The following TRPM2 variants were observed in gnomAD, a reference collection of about 807,000 sequenced individuals.
TRPM2 encodes transient receptor potential cation channel subfamily M member 2.
TRPM2 carries 161 observed loss-of-function variants against 174.0 expected under a neutral mutation model. The observed-to-expected ratio is 0.93, with a 90% confidence interval of 0.81 to 1.05. The LOEUF (loss-of-function observed/expected upper bound fraction) is 1.05. TRPM2 is among the 50% of genes least tolerant of loss of function. The pLI is 0.00. For missense variants in TRPM2, 2,057 were observed against 2,038.0 expected, an observed-to-expected ratio of 1.01 and a Z score of -0.18; for synonymous variants, 954 against 861.3, an observed-to-expected ratio of 1.11 and a Z score of -1.88.
rs200377232 is a variant in TRPM2 at position 44,435,816 on chromosome 21, C to T, written c.4061+599C>T. On this transcript the variant is annotated intron_variant, in intron 28 of 31. Transcript: ENST00000397928. ...ACCCCTCAGACTCACTCTCCACACCCATCCACGGGGACACAGCCCCACACT... is the reference window on the plus strand; with the variant it reads ...ACCCCTCAGACTCACTCTCCACACCTATCCACGGGGACACAGCCCCACACT... Among the ~76,000 whole-genome samples the T allele has an allele frequency of 2.6e-4, 34 of 131,266 alleles. 6 individuals carry two copies. Among genetic ancestry groups the T allele is most frequent in the African/African-American group, 9.0e-4 (26 of 28,950 alleles). The allele number at this position is 131,266 out of a possible 152,430, so 86.1% of individuals were successfully genotyped here. A position where few individuals can be genotyped will look rare whatever the true frequency, so the allele number is the denominator to read the frequency against.
chr21:44,406,033 G>C lies in TRPM2; in HGVS notation c.2786G>C (p.Arg929Pro). The C allele has an allele frequency of 6.2e-7, 1 of 1,605,820 alleles. No homozygotes were observed. The highest frequency in any genetic ancestry group is 1.1e-5 in the South Asian group (1 of 91,086). The change falls in exon 18 of 32, where the codon CGG (arginine) becomes CCG (proline). Residue 929 changes from arginine to proline, a missense_variant. Physicochemically the swap from Arg to Pro is moderately radical, Grantham distance 103. Coordinates refer to ENST00000397928, the MANE Select transcript of TRPM2 (RefSeq NM_003307.4). ...GGGCCCAAGATCATCATTGTGAAGCGGATGGTAAGGGGGCGGGGGCACCGG... is the reference window on the plus strand; with the variant it reads ...GGGCCCAAGATCATCATTGTGAAGCCGATGGTAAGGGGGCGGGGGCACCGG... ...TLGPKIIIVK[R>P]MMKDVFFFLF...
Position 44,418,500 on chromosome 21 carries a change from C to T in TRPM2, c.3406C>T (p.Arg1136Ter), listed in dbSNP as rs143493112. ...CCTGAAGGAGAACTACCTCCAGAAC[C>T]GACAGTTCCAGCAAAAGCAGCGGCC... ...IYLKENYLQN[R>*]QFQQKQRPEQ... Residue 1136 changes from arginine (R) to a stop codon, truncating the protein, a stop_gained, in exon 22 of 32, where the codon CGA (arginine) becomes TGA (stop). Transcript: ENST00000397928. LOFTEE classifies it high-confidence loss of function. The T allele has an allele frequency of 1.8e-3, 2,941 of 1,614,088 alleles. 2 individuals are homozygous for T. The highest frequency in any genetic ancestry group is 2.3e-3 in the Non-Finnish European group (2,688 of 1,180,006).
chr21:44,423,756 G>C (rs45467496), intron 23 of TRPM2, 24 bp downstream of exon 23: 2 of 1,570,590 alleles, frequency 1.3e-6, no homozygotes, highest in Non-Finnish European at 1.7e-6. Flanking sequence ...CGGGGCCTCC[G>C]TCAGGAGGTG....
At chr21:44,389,873 AT>A (rs34732510) in intron 9 of TRPM2, among the ~76,000 whole-genome samples, 23,901 of 139,148 alleles carry the variant, frequency 0.17, 1,818 homozygotes, top group Non-Finnish European at 0.2. Flanking sequence ...GAGGCTTAAA[AT>A]TTTTTTTTTT....
Position 44,438,976 on chromosome 21 carries a change from C to G in TRPM2, c.4168-91C>G. Reference sequence around the variant, plus strand: ...CCCAGGGCTGGGCCGCTGCCCACGCCGGGCAGGAGGCCAGTGGAGACGGGT... The same window carrying G: ...CCCAGGGCTGGGCCGCTGCCCACGCGGGGCAGGAGGCCAGTGGAGACGGGT... On this transcript the variant is annotated intron_variant, in intron 29 of 31. Coordinates refer to ENST00000397928, the MANE Select transcript of TRPM2 (RefSeq NM_003307.4). This position sits in a 1 kb window ranked among gnomAD's most constrained non-coding sequence, Gnocchi z 5.9. 9.4e-7 allele frequency: 1 copy of G among 1,065,396 alleles called. No homozygotes were observed. Among genetic ancestry groups the G allele is most frequent in the South Asian group, 1.4e-5 (1 of 73,388 alleles). 66.0% of individuals were successfully genotyped at this position (1,065,396 alleles called of 1,614,324 possible). A position where few individuals can be genotyped will look rare whatever the true frequency, so the allele number is the denominator to read the frequency against.
rs936405854 is a variant in TRPM2 at position 44,399,732 on chromosome 21, C to G, written c.2208+291C>G. The stretch of plus-strand genomic sequence containing the variant: ...GCGGCAGGCAGAAGCCCAGGTGGCT[C>G]TGGGAACGGCGTCTGCCCTCTCTCC... On this transcript the variant is annotated intron_variant, in intron 14 of 31. Coordinates refer to ENST00000397928, the MANE Select transcript of TRPM2 (RefSeq NM_003307.4). This position sits in a 1 kb window ranked among gnomAD's most constrained non-coding sequence, Gnocchi z 4.6. 6.6e-6 allele frequency among the ~76,000 whole-genome samples: 1 copy of G among 152,188 alleles called. No individual in the cohort carries two copies. The highest frequency in any genetic ancestry group is 1.5e-5 in the Non-Finnish European group (1 of 68,018).
chr21:44,417,840 G>A (rs996710598), intron 20 of TRPM2, 87 bp from the exon 21 acceptor site: 2 of 1,403,354 alleles, frequency 1.4e-6, no homozygotes, highest in Non-Finnish European at 2.0e-6. Flanking sequence ...GCTCTCTGTG[G>A]CATCACAGTG....
At chr21:44,378,577 C>T (rs566799734) in intron 7 of TRPM2, among the ~76,000 whole-genome samples, 63 of 152,296 alleles carry the variant, frequency 4.1e-4, no homozygotes, top group Non-Finnish European at 7.6e-4. Context: ...GTCCTTCCTG[C>T]CAGACAGCTT....
Position 44,421,121 on chromosome 21 carries a change from T to C in TRPM2, c.3462-2524T>C, listed in dbSNP as rs138773636. The stretch of plus-strand genomic sequence containing the variant: ...GATCACAAGGTTAGGAGATCAAGAC[T>C]ATCCTGGCTAACATGGTGAAACCTC... On this transcript the variant is annotated intron_variant, in intron 22 of 31. Coordinates refer to ENST00000397928, the MANE Select transcript of TRPM2 (RefSeq NM_003307.4). 5.8e-4 allele frequency among the ~76,000 whole-genome samples: 88 copies of C among 152,180 alleles called. 1 individual carries two copies. In the East Asian group the frequency reaches 0.016, roughly 28 times the overall value.
At chr21:44,421,969 G>A (rs779075932) in intron 22 of TRPM2, among the ~76,000 whole-genome samples, 22 of 152,210 alleles carry the variant, frequency 1.4e-4, no homozygotes, top group Admixed American at 2.0e-4. Context: ...CCTGCAGAAC[G>A]TGTTTCCGCT....
rs1439538498 is a variant in TRPM2, at chr21:44,439,319, C to G, written c.4269+151C>G. ...TGACGGTGGTCCCAGCCCCTGCCCC[C>G]ACGTTGCACAGCTCCCAGAGGACCC... On this transcript the variant is annotated intron_variant, in intron 30 of 31. Coordinates refer to ENST00000397928, the MANE Select transcript of TRPM2 (RefSeq NM_003307.4). The surrounding 1 kb of genome is among the most constrained non-coding windows in gnomAD (Gnocchi z 5.1). The G allele has an allele frequency of 4.6e-6, 3 of 656,758 alleles. No individual in the cohort carries two copies. Among genetic ancestry groups the G allele is most frequent in the African/African-American group, 3.6e-5 (2 of 55,404 alleles). The allele number at this position is 656,758 out of a possible 1,614,324, so 40.7% of individuals were successfully genotyped here.
intron 7 of TRPM2, among the ~76,000 whole-genome samples, chr21:44,378,554 T>C (rs932833463): frequency 6.6e-6 from 1 of 152,186 alleles, no homozygotes; most frequent in Non-Finnish European, 1.5e-5. Context: ...CCGATGCTCA[T>C]GCACACGGCA....
intron 9 of TRPM2, among the ~76,000 whole-genome samples, chr21:44,383,429 G>T (rs2048938869): frequency 1.3e-5 from 2 of 152,198 alleles, no homozygotes; most frequent in Admixed American, 1.3e-4. Flanking sequence ...AGGGTCGGAG[G>T]CCCCAGGCTG....
At chr21:44,377,068 C>T (rs1246693490) in intron 6 of TRPM2, among the ~76,000 whole-genome samples, 1 of 152,152 alleles carries the variant, frequency 6.6e-6, no homozygotes, top group African/African-American at 2.4e-5. Context: ...GGCGATGCTG[C>T]AGTTCAGGGA....
At chr21:44,384,086 A>G (rs965649654) in intron 9 of TRPM2, among the ~76,000 whole-genome samples, 3 of 152,226 alleles carry the variant, frequency 2.0e-5, no homozygotes, top group Non-Finnish European at 2.9e-5. Flanking sequence ...TGAAAAGATC[A>G]ACAAAATTGA....
Position 44,397,790 on chromosome 21 carries a change from T to C in TRPM2, c.1976T>C (p.Leu659Pro). The C allele has an allele frequency of 6.2e-7, 1 of 1,602,942 alleles. No individual in the cohort carries two copies. The change falls in exon 13 of 32, where the codon CTG (leucine) becomes CCG (proline). Residue 659 changes from leucine to proline, a missense_variant. Transcript: ENST00000397928. ...GCGGCCTTGGCCTGCAGCAAGATCC[T>C]GAAGGAACTGTCCAAGGAGGAGGAG... ...IAAALACSKI[L>P]KELSKEEEDT...
At chr21:44,423,437 G>A (rs1569102419) in intron 22 of TRPM2, 9 of 551,312 alleles carry the variant, frequency 1.6e-5, no homozygotes, top group South Asian at 4.0e-5. Flanking sequence ...TCGGCTGTCC[G>A]TCTGCTGAGA....
At chr21:44,389,866 G>C (rs1172056993) in intron 9 of TRPM2, among the ~76,000 whole-genome samples, 2 of 142,930 alleles carry the variant, frequency 1.4e-5, no homozygotes, top group African/African-American at 2.8e-5. Context: ...AGAGCAGGAG[G>C]CTTAAAATTT....
chr21:44,366,035 C>T lies in TRPM2; in HGVS notation c.424-719C>T, dbSNP rs1381017562. On this transcript the variant is annotated intron_variant, in intron 3 of 31. Coordinates refer to ENST00000397928, the MANE Select transcript of TRPM2 (RefSeq NM_003307.4). The surrounding 1 kb of genome is among the most constrained non-coding windows in gnomAD (Gnocchi z 6.0). Reference sequence around the variant, plus strand: ...CTTTGTGTCTCTGCTAGGCCAATCCCGGCGGAGATTGCAGACCCCGCTGGG... The same window carrying T: ...CTTTGTGTCTCTGCTAGGCCAATCCTGGCGGAGATTGCAGACCCCGCTGGG... Among the ~76,000 whole-genome samples the T allele has an allele frequency of 3.3e-5, 5 of 152,246 alleles. No homozygotes were observed. Among genetic ancestry groups the T allele is most frequent in the South Asian group, 2.1e-4 (1 of 4,838 alleles).
Sources: gnomAD v4.1 joint callset for allele counts (sites outside exome capture counted in the v4.1 genomes callset) on GRCh38, gnomAD v4.1.1 for gene constraint, Gnocchi (gnomAD v3.1) non-coding constraint, MANE v1.5 for transcripts, NCBI Gene and HGNC (gene_info 2026-07-23, HGNC 2026-07-21) for gene names.